The following PTPRD variants were observed in gnomAD, a reference collection of about 807,000 sequenced individuals.
The protein encoded by PTPRD is receptor-type tyrosine-protein phosphatase delta.
PTPRD carries 34 observed loss-of-function variants against 214.5 expected under a neutral mutation model. That is an observed-to-expected ratio of 0.16 (90% confidence interval 0.12 to 0.21). PTPRD has a LOEUF of 0.21. Ranked by LOEUF, PTPRD falls within the 10% of genes least tolerant of loss-of-function variation. PTPRD has a pLI of 1.00. For missense variants in PTPRD, 2,545 were observed against 2,398.7 expected (o/e 1.06, Z -1.27); for synonymous variants, 1,128 against 845.7 (o/e 1.33, Z -5.79).
At chr9:8,743,651 A>G (rs913162375) in intron 11 of PTPRD, among the ~76,000 whole-genome samples, 1 of 152,186 alleles carries the variant, frequency 6.6e-6, no homozygotes, top group Non-Finnish European at 1.5e-5. Context: ...TAACAATTCT[A>G]GAAGATAACA....
chr9:10,205,854 T>C (rs2099472244), intron 3 of PTPRD, among the ~76,000 whole-genome samples: 1 of 152,198 alleles, frequency 6.6e-6, no homozygotes, highest in Non-Finnish European at 1.5e-5. Flanking sequence ...AACTGCATTA[T>C]TCACTTTGGG....
intron 14 of PTPRD, among the ~76,000 whole-genome samples, chr9:8,554,145 G>A (rs912951040): frequency 2.6e-5 from 4 of 152,128 alleles, no homozygotes; most frequent in African/African-American, 9.7e-5. Context: ...CCAAGATCAT[G>A]CCATTGCATT....
At chr9:9,973,956 T>C (rs1055006115) in intron 4 of PTPRD, among the ~76,000 whole-genome samples, 1 of 152,166 alleles carries the variant, frequency 6.6e-6, no homozygotes, top group Admixed American at 6.5e-5. Flanking sequence ...TTGATATTTT[T>C]AAAAGAGGGA....
chr9:8,883,041 A>T (rs1444043652), intron 11 of PTPRD, among the ~76,000 whole-genome samples: 2 of 152,118 alleles, frequency 1.3e-5, no homozygotes. Context: ...CCCACAGTGA[A>T]TACTGGTCTG....
At chr9:9,804,358 C>T (rs1256805545) in intron 5 of PTPRD, among the ~76,000 whole-genome samples, 1 of 152,082 alleles carries the variant, frequency 6.6e-6, no homozygotes, top group Non-Finnish European at 1.5e-5. Context: ...CACTGAATCA[C>T]ACATTAATGT....
At chr9:9,937,806 A>T (rs905838546) in intron 5 of PTPRD, among the ~76,000 whole-genome samples, 22 of 152,254 alleles carry the variant, frequency 1.4e-4, no homozygotes, top group African/African-American at 4.8e-4. Context: ...AAAATCATTT[A>T]AAAAAATAAG....
At chr9:9,561,594 T>C (rs565369266) in intron 8 of PTPRD, among the ~76,000 whole-genome samples, 160 of 152,322 alleles carry the variant, frequency 1.1e-3, no homozygotes, top group African/African-American at 3.7e-3. Context: ...CCTCTCTCTA[T>C]TTTCAGAACT....
At chr9:9,557,528 C>T (rs1366200687) in intron 8 of PTPRD, among the ~76,000 whole-genome samples, 1 of 152,140 alleles carries the variant, frequency 6.6e-6, no homozygotes, top group Non-Finnish European at 1.5e-5. Context: ...CCTTCCCTTT[C>T]CAGAGCTTTT....
chr9:8,802,261 G>A (rs1205880669), intron 11 of PTPRD, among the ~76,000 whole-genome samples: 1 of 152,118 alleles, frequency 6.6e-6, no homozygotes, highest in African/African-American at 2.4e-5. Context: ...AAATGGTGAA[G>A]GGTTTTTTGG....
At chr9:9,025,388 GC>G (rs2099583615) in intron 10 of PTPRD, among the ~76,000 whole-genome samples, 2 of 151,950 alleles carry the variant, frequency 1.3e-5, no homozygotes, top group Admixed American at 6.6e-5. Flanking sequence ...ACTTCTTTGA[GC>G]TCAGTAGCAA....
chr9:8,800,178 C>T (rs2096542453), intron 11 of PTPRD, among the ~76,000 whole-genome samples: 1 of 152,062 alleles, frequency 6.6e-6, no homozygotes, highest in Non-Finnish European at 1.5e-5. Flanking sequence ...TCATGCCTTT[C>T]TGATGACTGC....
chr9:8,717,686 T>C (rs1565522995), intron 12 of PTPRD, among the ~76,000 whole-genome samples: 1 of 152,204 alleles, frequency 6.6e-6, no homozygotes, highest in Non-Finnish European at 1.5e-5. Context: ...CACCTTCACA[T>C]GTTTTTATTA....
chr9:9,526,973 G>C (rs1435560103), intron 8 of PTPRD, among the ~76,000 whole-genome samples: 1 of 152,020 alleles, frequency 6.6e-6, no homozygotes. Context: ...AGATGTATAA[G>C]GTCAAAGGTC....
chr9:9,023,109 G>T (rs2099575311), intron 10 of PTPRD, among the ~76,000 whole-genome samples: 1 of 152,070 alleles, frequency 6.6e-6, no homozygotes, highest in Admixed American at 6.6e-5. Flanking sequence ...TGGGGTTTTG[G>T]TAGGAATAAG....
intron 3 of PTPRD, among the ~76,000 whole-genome samples, chr9:10,293,222 GA>G (rs1410260280): frequency 2.0e-5 from 3 of 151,600 alleles, no homozygotes; most frequent in African/African-American, 4.8e-5. Flanking sequence ...GAAAGTTCAA[GA>G]AAAAATATTG....
chr9:9,905,181 C>T (rs148887041), intron 5 of PTPRD, among the ~76,000 whole-genome samples: 1 of 151,954 alleles, frequency 6.6e-6, no homozygotes, highest in East Asian at 1.9e-4. Context: ...CTTTCTAGAC[C>T]ATTACACATA....
At chr9:8,683,149 A>C (rs1450061716) in intron 12 of PTPRD, among the ~76,000 whole-genome samples, 2 of 152,154 alleles carry the variant, frequency 1.3e-5, no homozygotes, top group African/African-American at 4.8e-5. Flanking sequence ...TGGCTTAAGA[A>C]GGCATACCAC....
chr9:9,445,828 T>C (rs746307598), intron 8 of PTPRD, among the ~76,000 whole-genome samples: 14 of 152,116 alleles, frequency 9.2e-5, no homozygotes, highest in Non-Finnish European at 2.1e-4. Context: ...TTGAGGTCTT[T>C]ATAGACAGCA....
chr9:10,495,481 T>C (rs1414487567), intron 2 of PTPRD, among the ~76,000 whole-genome samples: 2 of 151,878 alleles, frequency 1.3e-5, no homozygotes, highest in South Asian at 2.1e-4. Flanking sequence ...TATTCTCCTA[T>C]AGGAATTTGT....
Sources: gnomAD v4.1 joint callset for allele counts (sites outside exome capture counted in the v4.1 genomes callset) on GRCh38, gnomAD v4.1.1 for gene constraint, MANE v1.5 for transcripts, NCBI Gene and HGNC (gene_info 2026-07-23, HGNC 2026-07-21) for gene names.